KCNC1: variants seen among roughly 807,000 people sequenced by gnomAD.
The protein encoded by KCNC1 is voltage-gated potassium channel KCNC1.
KCNC1 carries 8 observed loss-of-function variants against 43.4 expected under a neutral mutation model. That is an observed-to-expected ratio of 0.18 (90% CI 0.11 to 0.33). KCNC1 has a LOEUF of 0.33. Among genes scored for constraint, KCNC1 ranks in the 10% least tolerant of loss-of-function variants. The pLI is 1.00. For missense variants in KCNC1, 420 were observed against 836.0 expected (o/e 0.50, Z 6.14); for synonymous variants, 361 against 360.5 (o/e 1.00, Z -0.01).
chr11:17,736,012 G>C lies in KCNC1; in HGVS notation c.10G>C (p.Gly4Arg). MGQ[G>R]DESERIVINV... ...CTAAGGGGGCGCCGCGATGGGCCAA[G>C]GGGACGAGAGCGAGCGCATCGTGAT... Residue 4 changes from glycine (G) to arginine (R), a missense_variant, in exon 1 of 4, where the codon GGG becomes CGG. Physicochemically the swap from Gly to Arg is moderately radical, Grantham distance 125 (BLOSUM62 -2). Around this residue, in one of 5 missense-constraint regions of KCNC1, gnomAD observed 42 missense variants for 81.5 expected, o/e 0.52. Coordinates refer to ENST00000265969, the MANE Select transcript of KCNC1 (RefSeq NM_001112741.2). The surrounding 1 kb of genome is among the most constrained non-coding windows in gnomAD (Gnocchi z 9.3). 22 of 1,494,958 alleles carry C rather than the reference G, an allele frequency of 1.5e-5. No individual in the cohort carries two copies. Among genetic ancestry groups the C allele is most frequent in the Non-Finnish European group, 1.9e-5 (21 of 1,124,358 alleles). The allele number at this position is 1,494,958 out of a possible 1,614,324, so 92.6% of individuals were successfully genotyped here.
intron 1 of KCNC1, among the ~76,000 whole-genome samples, chr11:17,737,673 G>A (rs1848784439): frequency 6.6e-6 from 1 of 152,156 alleles, no homozygotes; most frequent in African/African-American, 2.4e-5. Context: ...GTCCTTAGAG[G>A]CCTAAAGAGA....
chr11:17,775,669 G>T, intron 2 of KCNC1: 1 of 985,726 alleles, frequency 1.0e-6, no homozygotes, highest in Non-Finnish European at 1.2e-6. Flanking sequence ...ATGCCCATTC[G>T]CATGTGTCTT....
chr11:17,778,709 G>A (rs1298949683), intron 2 of KCNC1, among the ~76,000 whole-genome samples: 2 of 152,186 alleles, frequency 1.3e-5, no homozygotes, highest in Non-Finnish European at 2.9e-5. Context: ...TGGTCTGTAT[G>A]GGGGGTCGGG....
chr11:17,736,619 T>C lies in KCNC1; in HGVS notation c.570+47T>C. 1 of 1,450,718 alleles carries C rather than the reference T, an allele frequency of 6.9e-7. No individual in the cohort carries two copies. Among genetic ancestry groups the C allele is most frequent in the Middle Eastern group, 1.9e-4 (1 of 5,208 alleles). 89.9% of individuals were successfully genotyped at this position (1,450,718 alleles called of 1,614,324 possible). ...AGAAGAGCGGGGCGGGAAGGCAGCG[T>C]CCTGTGCCTCCCCGCGGGCAGGGGT... is the stretch of plus-strand genomic sequence containing the variant. On this transcript the variant is annotated intron_variant, in intron 1 of 3. Coordinates refer to ENST00000265969, the MANE Select transcript of KCNC1 (RefSeq NM_001112741.2). This position sits in a 1 kb window ranked among gnomAD's most constrained non-coding sequence, Gnocchi z 9.3.
intron 1 of KCNC1, among the ~76,000 whole-genome samples, chr11:17,744,655 G>A (rs955883884): frequency 5.3e-5 from 8 of 152,170 alleles, no homozygotes; most frequent in African/African-American, 1.2e-4. Flanking sequence ...GTGCCAGGCT[G>A]TGGGGTCTGG....
In KCNC1 at chr11:17,736,344, C is replaced by T. The variant is rs1387145999; in HGVS notation, c.342C>T (p.Asp114=). The T allele has an allele frequency of 4.3e-6, 7 of 1,612,888 alleles. No individual in the cohort carries two copies. The highest frequency in any genetic ancestry group is 5.9e-6 in the Non-Finnish European group (7 of 1,179,836). Residue 114 remains aspartate (D), a synonymous_variant, in exon 1 of 4, where the codon GAC becomes GAT. Transcript: ENST00000265969. This position sits in a 1 kb window ranked among gnomAD's most constrained non-coding sequence, Gnocchi z 9.3. ...GGATGACGTACCGCCAGCACCGCGACGCCGAGGAGGCTCTGGACAGCTTCG... is the reference window on the plus strand; with the variant it reads ...GGATGACGTACCGCCAGCACCGCGATGCCGAGGAGGCTCTGGACAGCTTCG... ...CCWMTYRQHR[D]AEEALDSFGG...
intron 1 of KCNC1, among the ~76,000 whole-genome samples, chr11:17,757,799 C>T (rs1041636612): frequency 1.6e-4 from 24 of 152,154 alleles, no homozygotes; most frequent in African/African-American, 5.1e-4. Context: ...TTTTTAAATA[C>T]GTTATTGCTT....
rs182820847 is a variant in KCNC1 at position 17,739,612 on chromosome 11, C to T, written c.570+3040C>T. Among the ~76,000 whole-genome samples the T allele has an allele frequency of 7.4e-5, 11 of 148,558 alleles. No individual in the cohort carries two copies. The East Asian group carries it at 1.6e-3, about 22-fold the overall frequency. On this transcript the variant is annotated intron_variant, in intron 1 of 3. Coordinates refer to ENST00000265969, the MANE Select transcript of KCNC1 (RefSeq NM_001112741.2). The surrounding 1 kb of genome is among the most constrained non-coding windows in gnomAD (Gnocchi z 4.2). Reference sequence around the variant, plus strand: ...GTGAGAGTCGAGGTGAGTGTGTCTGCGTGAGTGTGTGGCTGTGTGTGGCAA... The same window carrying T: ...GTGAGAGTCGAGGTGAGTGTGTCTGTGTGAGTGTGTGGCTGTGTGTGGCAA...
In KCNC1 at chr11:17,777,642, T is replaced by G. The variant is rs1184574529; in HGVS notation, c.1505-1814T>G. ...CCAGTCACATGGTGTCAGAGTTACC[T>G]TGGCAACTGGCCTTTTTGGTTCAGA... On this transcript the variant is annotated intron_variant, in intron 2 of 3. Coordinates refer to ENST00000265969, the MANE Select transcript of KCNC1 (RefSeq NM_001112741.2). The surrounding 1 kb of genome is among the most constrained non-coding windows in gnomAD (Gnocchi z 4.3). 1 of 985,720 alleles carries G rather than the reference T, an allele frequency of 1.0e-6. No homozygotes were observed. Among genetic ancestry groups the G allele is most frequent in the African/African-American group, 1.7e-5 (1 of 57,228 alleles). The allele number at this position is 985,720 out of a possible 1,614,324, so 61.1% of individuals were successfully genotyped here.
At position 17,739,131 on chromosome 11, in the gene KCNC1, G is replaced by C. The variant is rs1398943354; in HGVS notation, c.570+2559G>C. On this transcript the variant is annotated intron_variant, in intron 1 of 3. Transcript: ENST00000265969. The surrounding 1 kb of genome is among the most constrained non-coding windows in gnomAD (Gnocchi z 4.2). ...CCTCCCCCTCTGTCTTTGCTCTGCC[G>C]CCTCTGCTGTCACCTTTGTTTACCC... Among the ~76,000 whole-genome samples, 1 of 150,824 alleles carries C rather than the reference G, an allele frequency of 6.6e-6. No individual in the cohort carries two copies. Among genetic ancestry groups the C allele is most frequent in the Non-Finnish European group, 1.5e-5 (1 of 67,836 alleles).
At chr11:17,748,463 G>A (rs1848927748) in intron 1 of KCNC1, among the ~76,000 whole-genome samples, 1 of 152,152 alleles carries the variant, frequency 6.6e-6, no homozygotes, top group Admixed American at 6.5e-5. Context: ...GGCTAGGAGG[G>A]GGATGACAGT....
At chr11:17,772,922 G>GCAGGAGT (rs1287152667) in intron 2 of KCNC1, 2 of 1,210,250 alleles carry the variant, frequency 1.7e-6, no homozygotes, top group African/African-American at 3.1e-5. Context: ...GCTTGGTGGG[G>GCAGGAGT]CAGGAGTCCG....
In KCNC1 at chr11:17,763,423, C is replaced by T. The variant is rs1376090037; in HGVS notation, c.571-8242C>T. ...GCTCAGAGAACACGTGCCCAGAGTGCCCAGCCAGACCCTGGTTCCCTGGGA... is the reference window on the plus strand; with the variant it reads ...GCTCAGAGAACACGTGCCCAGAGTGTCCAGCCAGACCCTGGTTCCCTGGGA... On this transcript the variant is annotated intron_variant, in intron 1 of 3. Coordinates refer to ENST00000265969, the MANE Select transcript of KCNC1 (RefSeq NM_001112741.2). Among the ~76,000 whole-genome samples, 4 of 152,060 alleles carry T rather than the reference C, an allele frequency of 2.6e-5. No individual in the cohort carries two copies. The South Asian group carries it at 8.3e-4, about 32-fold the overall frequency.
chr11:17,767,496 C>T (rs1849167744), intron 1 of KCNC1, among the ~76,000 whole-genome samples: 1 of 152,116 alleles, frequency 6.6e-6, no homozygotes, highest in Admixed American at 6.5e-5. Context: ...GTTTTGGGAG[C>T]TCTTTCCTTT....
At chr11:17,740,966 G>A (rs936592165) in intron 1 of KCNC1, among the ~76,000 whole-genome samples, 4 of 152,116 alleles carry the variant, frequency 2.6e-5, no homozygotes, top group African/African-American at 9.7e-5. Context: ...CTTGGCATGC[G>A]GAGGGCTGGG....
At chr11:17,778,990 C>G (rs1466716982) in intron 2 of KCNC1, among the ~76,000 whole-genome samples, 1 of 151,928 alleles carries the variant, frequency 6.6e-6, no homozygotes, top group Non-Finnish European at 1.5e-5. Context: ...TGGCTGTGGA[C>G]GGGAGGCAGC....
chr11:17,737,843 A>G (rs1297682001), intron 1 of KCNC1, among the ~76,000 whole-genome samples: 6 of 152,172 alleles, frequency 3.9e-5, no homozygotes, highest in African/African-American at 7.2e-5. Flanking sequence ...AGCCTGAGCC[A>G]GAGCCAGGGG....
rs1438325545 is a variant in KCNC1 at position 17,739,411 on chromosome 11, ACT to A, written c.570+2842_570+2843del. On this transcript the variant is annotated intron_variant, in intron 1 of 3. Transcript: ENST00000265969. This position sits in a 1 kb window ranked among gnomAD's most constrained non-coding sequence, Gnocchi z 4.2. Reference sequence around the variant, plus strand: ...TGTGTGTGTGTGTGGTGAGACTGCGACTCTGTGCGAGCTTCCTGAGTCCTTGT... The same window carrying A: ...TGTGTGTGTGTGTGGTGAGACTGCGACTGTGCGAGCTTCCTGAGTCCTTGT... Among the ~76,000 whole-genome samples the A allele has an allele frequency of 3.6e-5, 5 of 140,820 alleles. No individual in the cohort carries two copies. The highest frequency in any genetic ancestry group is 7.1e-5 in the Admixed American group (1 of 14,120). 92.4% of individuals were successfully genotyped at this position (140,820 alleles called of 152,430 possible).
At chr11:17,767,056 C>T (rs1275595677) in intron 1 of KCNC1, among the ~76,000 whole-genome samples, 4 of 151,448 alleles carry the variant, frequency 2.6e-5, no homozygotes, top group Non-Finnish European at 5.9e-5. Context: ...CGCTTGAACC[C>T]AGGAGGCGGA....
Sources: allele counts gnomAD v4.1 joint callset (sites outside exome capture counted in the v4.1 genomes callset), GRCh38; gene constraint gnomAD v4.1.1; regional missense constraint gnomAD v4.1.1; non-coding constraint Gnocchi (gnomAD v3.1); transcripts MANE v1.5; gene names NCBI Gene and HGNC (gene_info 2026-07-23, HGNC 2026-07-21).